The following LRRTM4 variants were observed in gnomAD, a reference collection of about 807,000 sequenced individuals.
LRRTM4 encodes leucine rich repeat transmembrane neuronal 4.
A neutral mutation model predicts 47.6 loss-of-function variants in LRRTM4; 25 were observed. The observed-to-expected ratio is 0.53, with a 90% CI of 0.38 to 0.73. The LOEUF (loss-of-function observed/expected upper bound fraction) is 0.73, where lower values mean the gene tolerates loss of function less well. Ranked by LOEUF, LRRTM4 falls within the 30% of genes least tolerant of loss-of-function variation. The probability of loss-of-function intolerance (pLI) is 0.00; values close to 1 mark genes in which losing one functional copy is unlikely to be tolerated. For synonymous variants in LRRTM4, 311 were observed against 269.5 expected, an observed-to-expected ratio of 1.15 and a Z score of -1.51; for missense variants, 638 against 713.4, an observed-to-expected ratio of 0.89 and a Z score of 1.20.
intron 3 of LRRTM4, among the ~76,000 whole-genome samples, chr2:77,246,861 A>T (rs1416896518): frequency 6.6e-6 from 1 of 152,110 alleles, no homozygotes; most frequent in African/African-American, 2.4e-5. Context: ...ATATAGACAT[A>T]TTATTATCAT....
chr2:77,136,736 T>C (rs13395846), intron 3 of LRRTM4, among the ~76,000 whole-genome samples: 2,811 of 150,062 alleles, frequency 0.019, 136 homozygotes, highest in African/African-American at 0.065. Context: ...GAAAAAAGAT[T>C]AGATGAATGG....
At chr2:76,863,296 C>T (rs1050681587) in intron 3 of LRRTM4, among the ~76,000 whole-genome samples, 1 of 152,174 alleles carries the variant, frequency 6.6e-6, no homozygotes, top group African/African-American at 2.4e-5. Flanking sequence ...AAAGAATACT[C>T]ACTTGCTTAT....
intron 3 of LRRTM4, among the ~76,000 whole-genome samples, chr2:77,085,229 T>G (rs1414320590): frequency 1.3e-5 from 2 of 152,004 alleles, no homozygotes; most frequent in Non-Finnish European, 2.9e-5. Context: ...ATATGGTAAA[T>G]CATATAAACT....
At chr2:76,794,302 C>CCT (rs1675139907) in intron 3 of LRRTM4, among the ~76,000 whole-genome samples, 1 of 152,136 alleles carries the variant, frequency 6.6e-6, no homozygotes, top group Non-Finnish European at 1.5e-5. Flanking sequence ...TAACAAATAT[C>CCT]TGCATTAGTA....
intron 3 of LRRTM4, among the ~76,000 whole-genome samples, chr2:76,976,306 A>G (rs1676416360): frequency 6.6e-6 from 1 of 151,768 alleles, no homozygotes; most frequent in South Asian, 2.1e-4. Context: ...AAATCAAAAT[A>G]TATTCTATTT....
intron 3 of LRRTM4, among the ~76,000 whole-genome samples, chr2:77,144,539 C>T (rs762603700): frequency 5.9e-5 from 9 of 152,132 alleles, no homozygotes; most frequent in East Asian, 1.9e-4. Context: ...GGTCCACAGA[C>T]GAAGCTATCT....
chr2:77,359,523 T>TA (rs1252698490), intron 3 of LRRTM4, among the ~76,000 whole-genome samples: 3 of 152,312 alleles, frequency 2.0e-5, no homozygotes, highest in African/African-American at 7.2e-5. Context: ...TTCTAATTGA[T>TA]AAAAAATGTG....
At chr2:76,874,262 T>C (rs1672718404) in intron 3 of LRRTM4, among the ~76,000 whole-genome samples, 1 of 151,998 alleles carries the variant, frequency 6.6e-6, no homozygotes, top group South Asian at 2.1e-4. Flanking sequence ...ACAAGCATAG[T>C]CTTGTGAAAC....
chr2:76,982,132 C>T (rs1676633032), intron 3 of LRRTM4, among the ~76,000 whole-genome samples: 1 of 152,014 alleles, frequency 6.6e-6, no homozygotes, highest in African/African-American at 2.4e-5. Context: ...TTATGATCTA[C>T]CATTTGTCAT....
chr2:76,801,586 G>A (rs1048763819), intron 3 of LRRTM4, among the ~76,000 whole-genome samples: 1 of 151,914 alleles, frequency 6.6e-6, no homozygotes, highest in African/African-American at 2.4e-5. Context: ...AGTGGGTGCA[G>A]TGCACCAGCA....
At chr2:76,917,575 G>T (rs981213149) in intron 3 of LRRTM4, among the ~76,000 whole-genome samples, 2 of 152,016 alleles carry the variant, frequency 1.3e-5, no homozygotes, top group African/African-American at 4.8e-5. Flanking sequence ...TCCCTGCAAG[G>T]TCACCGAGTA....
chr2:77,138,889 C>A (rs1392594883), intron 3 of LRRTM4, among the ~76,000 whole-genome samples: 7 of 152,210 alleles, frequency 4.6e-5, no homozygotes, highest in African/African-American at 1.7e-4. Flanking sequence ...TGGATAAATT[C>A]CTGGACACAT....
chr2:77,259,903 T>C (rs1675871778), intron 3 of LRRTM4, among the ~76,000 whole-genome samples: 1 of 152,060 alleles, frequency 6.6e-6, no homozygotes, highest in South Asian at 2.1e-4. Context: ...GTCAAGAGCC[T>C]TGTAGGTCAA....
intron 3 of LRRTM4, among the ~76,000 whole-genome samples, chr2:77,015,137 C>T (rs1678012830): frequency 6.6e-6 from 1 of 152,050 alleles, no homozygotes; most frequent in Admixed American, 6.5e-5. Flanking sequence ...GATTTTTTCC[C>T]TGTGCATAGC....
chr2:77,186,345 C>T (rs1354741533), intron 3 of LRRTM4, among the ~76,000 whole-genome samples: 2 of 152,126 alleles, frequency 1.3e-5, no homozygotes, highest in Admixed American at 1.3e-4. Flanking sequence ...CAGCATCTGT[C>T]CAGTGATTCT....
At chr2:77,122,120 T>G (rs1009028216) in intron 3 of LRRTM4, among the ~76,000 whole-genome samples, 1 of 151,738 alleles carries the variant, frequency 6.6e-6, no homozygotes, top group Non-Finnish European at 1.5e-5. Context: ...TTTAACAACA[T>G]TTATACTAAC....
chr2:77,411,570 A>C (rs1573378356), intron 3 of LRRTM4, among the ~76,000 whole-genome samples: 1 of 141,082 alleles, frequency 7.1e-6, no homozygotes, highest in African/African-American at 2.7e-5. Context: ...CTCCTGCCTC[A>C]GCCTCCTGAG....
chr2:76,786,042 A>T (rs1437065037), intron 3 of LRRTM4, among the ~76,000 whole-genome samples: 1 of 152,192 alleles, frequency 6.6e-6, no homozygotes, highest in African/African-American at 2.4e-5. Context: ...TTGTGAATTC[A>T]GAAGACATAA....
chr2:77,492,284 AG>A (rs1678197865), intron 3 of LRRTM4, among the ~76,000 whole-genome samples: 2 of 152,188 alleles, frequency 1.3e-5, no homozygotes, highest in Non-Finnish European at 1.5e-5. Context: ...TTTTAGAGAT[AG>A]GGTCTTGCTC....
Sources: allele counts gnomAD v4.1 joint callset (sites outside exome capture counted in the v4.1 genomes callset), GRCh38; gene constraint gnomAD v4.1.1; transcripts MANE v1.5; gene names NCBI Gene and HGNC (gene_info 2026-07-23, HGNC 2026-07-21).